KCNN2: variants seen among roughly 807,000 people sequenced by gnomAD.
The protein encoded by KCNN2 is small conductance calcium-activated potassium channel protein 2.
A neutral mutation model predicts 55.5 loss-of-function variants in KCNN2; 24 were observed. That is an observed-to-expected ratio of 0.43 (90% CI 0.31 to 0.61). KCNN2 has a LOEUF of 0.61. Ranked by LOEUF, KCNN2 falls within the 20% of genes least tolerant of loss-of-function variation. The pLI, the probability that KCNN2 is intolerant of heterozygous loss-of-function variation, is 0.08. For missense variants in KCNN2, 754 were observed against 853.6 expected (o/e 0.88, Z 1.45); for synonymous variants, 431 against 336.1 (o/e 1.28, Z -3.09).
rs539116736 is a variant in KCNN2 at position 114,120,517 on chromosome 5, T to C, written c.-271+64017T>C. ...ATGAACTCTCGAGCCATCCATGTTA[T>C]GGGAATTTGAGTCATTTGTTCACAA... On this transcript the variant is annotated intron_variant, in intron 1 of 10. Coordinates refer to the KCNN2 transcript ENST00000512097. Among the ~76,000 whole-genome samples the C allele has an allele frequency of 6.6e-5, 10 of 152,300 alleles. No homozygotes were observed. In the South Asian group the frequency reaches 2.1e-3, roughly 32 times the overall value.
chr5:114,389,270 A>G (rs958763842), intron 2 of KCNN2, among the ~76,000 whole-genome samples: 5 of 152,122 alleles, frequency 3.3e-5, no homozygotes, highest in Non-Finnish European at 7.4e-5. Context: ...ACTGGTCAAG[A>G]ATATATGGGT....
intron 3 of KCNN2, among the ~76,000 whole-genome samples, chr5:114,420,333 A>G (rs557606146): frequency 6.6e-6 from 1 of 152,352 alleles, no homozygotes; most frequent in East Asian, 1.9e-4. Context: ...CAGGCTAGTT[A>G]TTCCTAGGGC....
intron 3 of KCNN2, among the ~76,000 whole-genome samples, chr5:114,415,829 G>A (rs1237001304): frequency 6.6e-6 from 1 of 152,082 alleles, no homozygotes; most frequent in Non-Finnish European, 1.5e-5. Context: ...GGCTTGTGTT[G>A]TAATTTTCAT....
At chr5:114,392,129 G>A (rs1758466200) in intron 2 of KCNN2, among the ~76,000 whole-genome samples, 2 of 152,194 alleles carry the variant, frequency 1.3e-5, no homozygotes, top group Non-Finnish European at 2.9e-5. Flanking sequence ...GTGCAGATAG[G>A]CAAGAGAGAA....
At chr5:114,118,581 G>T (rs766768327) in intron 1 of KCNN2, among the ~76,000 whole-genome samples, 1 of 151,876 alleles carries the variant, frequency 6.6e-6, no homozygotes, top group Non-Finnish European at 1.5e-5. Context: ...TCTGGCTTTG[G>T]TTCAGGCCCT....
intron 1 of KCNN2, among the ~76,000 whole-genome samples, chr5:114,121,430 C>T (rs988136722): frequency 1.3e-5 from 2 of 152,058 alleles, no homozygotes; most frequent in African/African-American, 2.4e-5. Flanking sequence ...CCTGCAGTAC[C>T]CCTGGCACAC....
At chr5:114,345,643 G>T (rs1757091966) in intron 2 of KCNN2, among the ~76,000 whole-genome samples, 1 of 152,216 alleles carries the variant, frequency 6.6e-6, no homozygotes, top group South Asian at 2.1e-4. Context: ...GTGTTAGTCT[G>T]TTCTTGCATT....
rs887474838 is a variant in KCNN2, at chr5:114,173,481, T to A, written c.-270-47999T>A. Among the ~76,000 whole-genome samples, 5 of 134,620 alleles carry A rather than the reference T, an allele frequency of 3.7e-5. No individual in the cohort carries two copies. In the South Asian group the frequency reaches 7.5e-4, roughly 20 times the overall value. 88.3% of individuals were successfully genotyped at this position (134,620 alleles called of 152,430 possible). A position where few individuals can be genotyped will look rare whatever the true frequency, so the allele number is the denominator to read the frequency against. On this transcript the variant is annotated intron_variant, in intron 1 of 10. Transcript: ENST00000512097. ...GTGTGTGTGTGTGTGTGTGTGTGTG[T>A]GATTCCCCATACAAATTGTAGAATT...
intron 2 of KCNN2, among the ~76,000 whole-genome samples, chr5:114,254,864 A>T (rs908878741): frequency 2.6e-5 from 4 of 152,200 alleles, no homozygotes; most frequent in African/African-American, 7.2e-5. Flanking sequence ...AATGTTTTCA[A>T]TTAACTCTAG....
In KCNN2 at chr5:114,363,836, ACT is replaced by A. The variant is rs1307729041; in HGVS notation, c.1123-67_1123-66del. On this transcript the variant is annotated intron_variant, in intron 1 of 7. Coordinates refer to ENST00000673685, the MANE Select transcript of KCNN2 (RefSeq NM_021614.4). The stretch of plus-strand genomic sequence containing the variant: ...AGGTCCACCTGTGGGGGACTGACTG[ACT>A]CTGGGGACGTGGAAGGCGGTTAAAA... 4 of 1,083,538 alleles carry A rather than the reference ACT, an allele frequency of 3.7e-6. No homozygotes were observed. The Admixed American group carries it at 5.2e-5, about 14-fold the overall frequency. The allele number at this position is 1,083,538 out of a possible 1,614,324, so 67.1% of individuals were successfully genotyped here.
chr5:114,145,727 A>T (rs1016561020), intron 1 of KCNN2, among the ~76,000 whole-genome samples: 1 of 152,138 alleles, frequency 6.6e-6, no homozygotes, highest in Non-Finnish European at 1.5e-5. Flanking sequence ...TCATGGCTCA[A>T]ATAAGAGGAG....
intron 2 of KCNN2, among the ~76,000 whole-genome samples, chr5:114,394,408 C>T (rs1272724240): frequency 2.0e-5 from 3 of 152,036 alleles, no homozygotes. Context: ...GTGTTGTGAA[C>T]GTTTTCCCAT....
chr5:114,112,510 G>C (rs1751620766), intron 1 of KCNN2, among the ~76,000 whole-genome samples: 1 of 151,910 alleles, frequency 6.6e-6, no homozygotes, highest in Non-Finnish European at 1.5e-5. Context: ...AGGCTTCTGG[G>C]TCACATGAGC....
chr5:114,137,385 C>G (rs983606595), intron 1 of KCNN2, among the ~76,000 whole-genome samples: 1 of 152,144 alleles, frequency 6.6e-6, no homozygotes, highest in Non-Finnish European at 1.5e-5. Context: ...TCCTCTGATC[C>G]TTCCCTGCGT....
intron 2 of KCNN2, among the ~76,000 whole-genome samples, chr5:114,258,800 T>C (rs1293433460): frequency 6.6e-6 from 1 of 152,120 alleles, no homozygotes; most frequent in African/African-American, 2.4e-5. Flanking sequence ...TTGTCAAAAT[T>C]TCCCCTGTGC....
At chr5:114,166,375 C>T (rs907992450) in intron 1 of KCNN2, among the ~76,000 whole-genome samples, 3 of 152,096 alleles carry the variant, frequency 2.0e-5, no homozygotes, top group Non-Finnish European at 2.9e-5. Flanking sequence ...CAACCTCAGG[C>T]GAGTGTTACA....
chr5:114,168,524 C>T (rs1752965371), intron 1 of KCNN2, among the ~76,000 whole-genome samples: 1 of 151,956 alleles, frequency 6.6e-6, no homozygotes, highest in Non-Finnish European at 1.5e-5. Context: ...TGTCAGCTTG[C>T]TAGTATTAGA....
intron 1 of KCNN2, among the ~76,000 whole-genome samples, chr5:114,101,482 C>A (rs967352629): frequency 6.7e-6 from 1 of 149,720 alleles, no homozygotes; most frequent in Non-Finnish European, 1.5e-5. Context: ...ATGTGCAGAA[C>A]GTGCAGGTTT....
intron 1 of KCNN2, among the ~76,000 whole-genome samples, chr5:114,220,717 C>A (rs1287645478): frequency 6.6e-6 from 1 of 150,692 alleles, no homozygotes; most frequent in East Asian, 2.0e-4. Flanking sequence ...CAGAGCAAAA[C>A]ACTGAGGCTG....
Sources: gnomAD v4.1 joint callset for allele counts (sites outside exome capture counted in the v4.1 genomes callset) on GRCh38, gnomAD v4.1.1 for gene constraint, MANE v1.5 for transcripts, NCBI Gene and HGNC (gene_info 2026-07-23, HGNC 2026-07-21) for gene names.